Variants in LINGO2 observed in about 807,000 individuals in gnomAD.
LINGO2 encodes the protein leucine-rich repeat and immunoglobulin-like domain-containing nogo receptor-interacting protein 2.
Under a neutral mutation model 30.6 loss-of-function variants are expected in LINGO2, and 14 were observed. The ratio of observed to expected loss-of-function variants is 0.46; its 90% confidence interval spans 0.30 to 0.72. The LOEUF is 0.72. LINGO2 is among the 30% of genes least tolerant of loss of function. The pLI is 0.07. For synonymous variants in LINGO2, 317 were observed against 288.5 expected, an observed-to-expected ratio of 1.10 and a Z score of -1.00; for missense variants, 729 against 751.7, an observed-to-expected ratio of 0.97 and a Z score of 0.35.
chr9:28,049,226 G>A (rs1479708903), intron 4 of LINGO2, among the ~76,000 whole-genome samples: 1 of 150,792 alleles, frequency 6.6e-6, no homozygotes, highest in Non-Finnish European at 1.5e-5. Flanking sequence ...TGTGTTTACT[G>A]AGCCGATATT....
intron 4 of LINGO2, among the ~76,000 whole-genome samples, chr9:28,053,687 G>A (rs1378610599): frequency 6.6e-6 from 1 of 152,042 alleles, no homozygotes; most frequent in Admixed American, 6.6e-5. Flanking sequence ...TGATGTCGAG[G>A]CCTCATCATG....
At chr9:28,245,087 C>G (rs781319048) in intron 4 of LINGO2, among the ~76,000 whole-genome samples, 9 of 152,146 alleles carry the variant, frequency 5.9e-5, no homozygotes, top group Non-Finnish European at 1.2e-4. Flanking sequence ...TCCAGCACCA[C>G]ATCAAAAAGT....
the LINGO2 span, among the ~76,000 whole-genome samples, chr9:29,153,499 T>C: frequency 6.6e-6 from 1 of 152,166 alleles, no homozygotes; most frequent in African/African-American, 2.4e-5. Flanking sequence ...GCTATGAAAA[T>C]AAAAGTTTTT....
At chr9:28,171,955 T>C (rs1320530615) in intron 4 of LINGO2, among the ~76,000 whole-genome samples, 2 of 131,934 alleles carry the variant, frequency 1.5e-5, no homozygotes, top group Admixed American at 9.0e-5. Flanking sequence ...GAGGCAGAGC[T>C]TGCAGTGAGC....
At chr9:29,021,564 G>A in the LINGO2 span, among the ~76,000 whole-genome samples, 3 of 152,024 alleles carry the variant, frequency 2.0e-5, no homozygotes, top group African/African-American at 7.2e-5. Flanking sequence ...GGCTGAGGCA[G>A]GAGAATTGCT....
In LINGO2 at chr9:28,079,026, C is replaced by T. The variant is rs528650818; in HGVS notation, c.-86-66621G>A. Among the ~76,000 whole-genome samples, 8 of 148,536 alleles carry T rather than the reference C, an allele frequency of 5.4e-5. No individual in the cohort carries two copies. In the East Asian group the frequency reaches 9.7e-4, roughly 18 times the overall value. On this transcript the variant is annotated intron_variant, in intron 4 of 5. Coordinates refer to ENST00000379992, the Ensembl canonical transcript of LINGO2. ...CCAAAGAGAGGTGTGATGTCTAACA[C>T]GAGGGAGCTCCCTGGTAAAATGGTC...
At chr9:28,892,122 G>A in the LINGO2 span, among the ~76,000 whole-genome samples, 1 of 151,812 alleles carries the variant, frequency 6.6e-6, no homozygotes, top group South Asian at 2.1e-4. Context: ...GTTGAAATAG[G>A]TGGAGATAAA....
chr9:28,185,903 G>A (rs1436840473), intron 4 of LINGO2, among the ~76,000 whole-genome samples: 3 of 152,104 alleles, frequency 2.0e-5, no homozygotes, highest in Non-Finnish European at 4.4e-5. Context: ...ACTTTGAAAT[G>A]TAAAGGGGAT....
chr9:28,565,556 A>G (rs1300665229), intron 1 of LINGO2, among the ~76,000 whole-genome samples: 2 of 146,566 alleles, frequency 1.4e-5, no homozygotes, highest in African/African-American at 5.0e-5. Flanking sequence ...TCTAGGCAAA[A>G]GAATTATTTT....
At chr9:28,825,409 A>G in the LINGO2 span, among the ~76,000 whole-genome samples, 1 of 144,008 alleles carries the variant, frequency 6.9e-6, no homozygotes, top group Non-Finnish European at 1.6e-5. Flanking sequence ...GGCAAGCAGG[A>G]GTCGAATTGC....
chr9:28,839,867 T>C, the LINGO2 span, among the ~76,000 whole-genome samples: 1 of 152,132 alleles, frequency 6.6e-6, no homozygotes, highest in South Asian at 2.1e-4. Context: ...GCCCTGGCTG[T>C]TAATGCTGAG....
chr9:28,732,340 G>T, the LINGO2 span, among the ~76,000 whole-genome samples: 5 of 150,360 alleles, frequency 3.3e-5, no homozygotes, highest in African/African-American at 4.9e-5. Context: ...TACAACAGGG[G>T]TTCACATTAT....
chr9:29,015,169 G>A, the LINGO2 span, among the ~76,000 whole-genome samples: 1 of 152,042 alleles, frequency 6.6e-6, no homozygotes, highest in African/African-American at 2.4e-5. Flanking sequence ...GATGAGACGA[G>A]GGTAGATGAT....
chr9:28,643,940 C>T (rs1003321192), intron 1 of LINGO2, among the ~76,000 whole-genome samples: 1 of 151,928 alleles, frequency 6.6e-6, no homozygotes, highest in Non-Finnish European at 1.5e-5. Flanking sequence ...AAATGGTGTT[C>T]GACATTGATC....
At chr9:28,335,587 TGAGAAGCA>T (rs1825564181) in intron 3 of LINGO2, among the ~76,000 whole-genome samples, 3 of 152,190 alleles carry the variant, frequency 2.0e-5, no homozygotes. Context: ...TACCCCAGTT[TGAGAAGCA>T]TATTCTTTTG....
intron 4 of LINGO2, among the ~76,000 whole-genome samples, chr9:28,034,373 T>C (rs1486490845): frequency 6.6e-6 from 1 of 152,238 alleles, no homozygotes; most frequent in African/African-American, 2.4e-5. Context: ...CCCGTTCTAT[T>C]TAGCTCTTCT....
At chr9:28,340,547 A>G (rs1042147149) in intron 3 of LINGO2, among the ~76,000 whole-genome samples, 7 of 152,232 alleles carry the variant, frequency 4.6e-5, no homozygotes, top group African/African-American at 1.7e-4. Context: ...TTTGAGAGGT[A>G]AGGGGAATCT....
At chr9:28,082,107 G>T (rs1320209980) in intron 4 of LINGO2, among the ~76,000 whole-genome samples, 4 of 152,090 alleles carry the variant, frequency 2.6e-5, no homozygotes, top group Admixed American at 2.6e-4. Context: ...TTTCGTTGAG[G>T]TCTATCTTCC....
the LINGO2 span, among the ~76,000 whole-genome samples, chr9:28,867,679 C>G: frequency 6.6e-6 from 1 of 152,118 alleles, no homozygotes; most frequent in African/African-American, 2.4e-5. Flanking sequence ...CACATAATCC[C>G]TGCCTTCAAC....
Sources: allele counts gnomAD v4.1 joint callset (sites outside exome capture counted in the v4.1 genomes callset), GRCh38; gene constraint gnomAD v4.1.1; transcripts MANE v1.5; gene names NCBI Gene and HGNC (gene_info 2026-07-23, HGNC 2026-07-21).